Variants in SLC22A3 observed in about 807,000 individuals in gnomAD.
SLC22A3 encodes the protein solute carrier family 22 member 3.
Under a neutral mutation model 59.1 loss-of-function variants are expected in SLC22A3, and 51 were observed. The observed-to-expected ratio is 0.86, with a 90% CI of 0.69 to 1.09. The LOEUF is 1.09. Ranked by LOEUF, SLC22A3 falls within the 50% of genes least tolerant of loss-of-function variation. The probability of loss-of-function intolerance (pLI) is 0.00; values close to 1 mark genes in which losing one functional copy is unlikely to be tolerated. For synonymous variants in SLC22A3, 325 were observed against 292.0 expected, an observed-to-expected ratio of 1.11 and a Z score of -1.15; for missense variants, 711 against 726.3, an observed-to-expected ratio of 0.98 and a Z score of 0.24.
In SLC22A3 at chr6:160,451,979, A is replaced by T. The variant is rs1337324240; in HGVS notation, c.*923A>T. 1 of 152,212 alleles carries T rather than the reference A, an allele frequency of 6.6e-6. No homozygotes were observed. Among genetic ancestry groups the T allele is most frequent in the Non-Finnish European group, 1.5e-5 (1 of 68,038 alleles). 9.4% of individuals were successfully genotyped at this position (152,212 alleles called of 1,614,324 possible). Reference sequence around the variant, plus strand: ...AAAGCGAAAAACATGGACAATTCCTATTCATTCTTAGCACTTTGACATGTC... The same window carrying T: ...AAAGCGAAAAACATGGACAATTCCTTTTCATTCTTAGCACTTTGACATGTC... On this transcript the variant is annotated 3_prime_UTR_variant, in exon 11 of 11. Transcript: ENST00000275300.
chr6:160,421,434 G>C (rs1787732431), intron 5 of SLC22A3, among the ~76,000 whole-genome samples: 1 of 152,178 alleles, frequency 6.6e-6, no homozygotes, highest in Admixed American at 6.5e-5. Flanking sequence ...AGTTATCCGT[G>C]ATTAGTTATG....
chr6:160,448,633 A>G (rs1788838672), intron 10 of SLC22A3, among the ~76,000 whole-genome samples: 1 of 152,178 alleles, frequency 6.6e-6, no homozygotes, highest in African/African-American at 2.4e-5. Context: ...CAGCCAATAT[A>G]TTAACATGAG....
At chr6:160,407,468 G>A (rs1298922353) in intron 3 of SLC22A3, among the ~76,000 whole-genome samples, 2 of 152,028 alleles carry the variant, frequency 1.3e-5, no homozygotes, top group Non-Finnish European at 2.9e-5. Flanking sequence ...GTTATAATAT[G>A]GTTTCTAGCT....
At chr6:160,449,065 G>A (rs1298452550) in intron 10 of SLC22A3, among the ~76,000 whole-genome samples, 1 of 152,118 alleles carries the variant, frequency 6.6e-6, no homozygotes, top group Non-Finnish European at 1.5e-5. Flanking sequence ...TACACAATGA[G>A]AGTGATGCTT....
At chr6:160,368,841 G>A (rs960250787) in intron 1 of SLC22A3, among the ~76,000 whole-genome samples, 10 of 152,112 alleles carry the variant, frequency 6.6e-5, no homozygotes, top group East Asian at 1.9e-4. Context: ...ATATTTCACC[G>A]TTCTGCTCAT....
chr6:160,426,109 A>G (rs1158758797), intron 5 of SLC22A3: 7 of 985,354 alleles, frequency 7.1e-6, no homozygotes, highest in South Asian at 4.7e-5. Flanking sequence ...AACTCATTAC[A>G]TGATTGTGAT....
chr6:160,355,925 C>T (rs1784825253), intron 1 of SLC22A3, among the ~76,000 whole-genome samples: 1 of 152,200 alleles, frequency 6.6e-6, no homozygotes, highest in African/African-American at 2.4e-5. Context: ...GTCTAGCTGC[C>T]TTCCCTCTAC....
chr6:160,363,130 T>A (rs1216879696), intron 1 of SLC22A3, among the ~76,000 whole-genome samples: 1 of 152,194 alleles, frequency 6.6e-6, no homozygotes, highest in Non-Finnish European at 1.5e-5. Flanking sequence ...GGTCTCAGCC[T>A]AAGCCAGGTG....
rs1788951001 is a variant in SLC22A3 at position 160,451,201 on chromosome 6, G to C, written c.*145G>C. 1.4e-6 allele frequency: 1 copy of C among 719,356 alleles called. No homozygotes were observed. Among genetic ancestry groups the C allele is most frequent in the Non-Finnish European group, 2.4e-6 (1 of 415,546 alleles). The allele number at this position is 719,356 out of a possible 1,614,324, so 44.6% of individuals were successfully genotyped here. ...GTATAAAGACCTCAATCTATCCAGA[G>C]TATTTTTATATAATGTTGGATGAGT... On this transcript the variant is annotated 3_prime_UTR_variant, in exon 11 of 11. Transcript: ENST00000275300.
At chr6:160,398,372 T>A (rs1472861792) in intron 2 of SLC22A3, among the ~76,000 whole-genome samples, 1 of 152,194 alleles carries the variant, frequency 6.6e-6, no homozygotes, top group Admixed American at 6.5e-5. Context: ...ATGACTGGGT[T>A]GATGCACTGT....
chr6:160,378,676 A>T (rs1785685154), intron 1 of SLC22A3, among the ~76,000 whole-genome samples: 2 of 152,192 alleles, frequency 1.3e-5, no homozygotes, highest in Non-Finnish European at 2.9e-5. Context: ...TAAGTTGAAA[A>T]ATGCATTTAA....
rs1010654557 is a variant in SLC22A3, at chr6:160,348,619, C to A, written c.200C>A (p.Pro67Gln). ...AALAERCGWS[P>Q]EEEWNRTAPA... ...CTGGCCGAGCGCTGCGGCTGGAGCC[C>A]GGAGGAGGAGTGGAACCGCACGGCG... Residue 67 changes from proline (P) to glutamine (Q), a missense_variant, in exon 1 of 11, where the codon CCG becomes CAG. Coordinates refer to ENST00000275300, the MANE Select transcript of SLC22A3 (RefSeq NM_021977.4). 2.7e-6 allele frequency: 4 copies of A among 1,504,446 alleles called. No homozygotes were observed. Among genetic ancestry groups the A allele is most frequent in the Non-Finnish European group, 2.6e-6 (3 of 1,134,498 alleles). The allele number at this position is 1,504,446 out of a possible 1,614,324, so 93.2% of individuals were successfully genotyped here.
intron 5 of SLC22A3, among the ~76,000 whole-genome samples, chr6:160,433,166 C>G (rs948245224): frequency 6.6e-6 from 1 of 152,112 alleles, no homozygotes; most frequent in Non-Finnish European, 1.5e-5. Flanking sequence ...ATATATAGCC[C>G]TTTGCAGAAA....
intron 9 of SLC22A3, among the ~76,000 whole-genome samples, chr6:160,447,386 C>A (rs1788784886): frequency 1.3e-5 from 2 of 152,192 alleles, no homozygotes; most frequent in African/African-American, 2.4e-5. Flanking sequence ...AGAGGGGACT[C>A]CCCTCCAGCA....
intron 1 of SLC22A3, among the ~76,000 whole-genome samples, chr6:160,394,323 A>G (rs1786384706): frequency 6.6e-6 from 1 of 152,238 alleles, no homozygotes; most frequent in African/African-American, 2.4e-5. Flanking sequence ...TTATATCAGA[A>G]AAAAGTACTT....
chr6:160,366,295 G>T (rs910345214), intron 1 of SLC22A3, among the ~76,000 whole-genome samples: 2 of 152,164 alleles, frequency 1.3e-5, no homozygotes, highest in Admixed American at 6.5e-5. Context: ...GATACAATGG[G>T]GATACAGGCA....
chr6:160,391,538 C>T (rs1027056353), intron 1 of SLC22A3, among the ~76,000 whole-genome samples: 1 of 152,092 alleles, frequency 6.6e-6, no homozygotes, highest in African/African-American at 2.4e-5. Flanking sequence ...TGGAAAATCG[C>T]CAGAGGACAC....
At chr6:160,407,504 T>G (rs1787065120) in intron 3 of SLC22A3, among the ~76,000 whole-genome samples, 1 of 152,222 alleles carries the variant, frequency 6.6e-6, no homozygotes, top group Non-Finnish European at 1.5e-5. Context: ...TTAATTTTTA[T>G]AAAATCTCAG....
At chr6:160,420,893 G>C (rs1005241302) in intron 5 of SLC22A3, among the ~76,000 whole-genome samples, 1 of 152,202 alleles carries the variant, frequency 6.6e-6, no homozygotes, top group Admixed American at 6.5e-5. Context: ...AGCCGTTCCC[G>C]GGATTGGGGG....
Sources: gnomAD v4.1 joint callset for allele counts (sites outside exome capture counted in the v4.1 genomes callset) on GRCh38, gnomAD v4.1.1 for gene constraint, MANE v1.5 for transcripts, NCBI Gene and HGNC (gene_info 2026-07-23, HGNC 2026-07-21) for gene names.